The following PTPN13 variants were observed in gnomAD, a reference collection of about 807,000 sequenced individuals.
The protein encoded by PTPN13 is tyrosine-protein phosphatase non-receptor type 13.
Under a neutral mutation model 284.0 loss-of-function variants are expected in PTPN13, and 191 were observed. That is an observed-to-expected ratio of 0.67 (90% CI 0.60 to 0.76). The LOEUF (loss-of-function observed/expected upper bound fraction) is 0.76, where lower values mean the gene tolerates loss of function less well. PTPN13 is among the 30% of genes least tolerant of loss of function. The probability of loss-of-function intolerance (pLI) is 0.00; values close to 1 mark genes in which losing one functional copy is unlikely to be tolerated. For missense variants in PTPN13, 2,797 were observed against 2,939.9 expected (o/e 0.95, Z 1.12); for synonymous variants, 986 against 1,022.3 (o/e 0.96, Z 0.68).
intron 1 of PTPN13, among the ~76,000 whole-genome samples, chr4:86,600,783 A>T (rs947701636): frequency 1.3e-5 from 2 of 152,142 alleles, no homozygotes; most frequent in Admixed American, 1.3e-4. Flanking sequence ...AATTTTAAAA[A>T]TAAACATTTA....
chr4:86,631,601 CCTTT>C (rs1474552636), intron 1 of PTPN13, among the ~76,000 whole-genome samples: 1 of 152,006 alleles, frequency 6.6e-6, no homozygotes, highest in Non-Finnish European at 1.5e-5. Flanking sequence ...AACAAATGTT[CCTTT>C]CTATGTTTTG....
intron 1 of PTPN13, among the ~76,000 whole-genome samples, chr4:86,627,055 C>CT: frequency 6.6e-6 from 1 of 152,008 alleles, no homozygotes; most frequent in East Asian, 1.9e-4. Flanking sequence ...CTGTCACATG[C>CT]TATAACATGG....
intron 10 of PTPN13, among the ~76,000 whole-genome samples, chr4:86,725,787 T>C (rs1476850770): frequency 6.7e-6 from 1 of 149,604 alleles, no homozygotes; most frequent in Non-Finnish European, 1.5e-5. Flanking sequence ...ACGCTGATGG[T>C]AGTTTCTTTT....
rs909216439 is a variant in PTPN13 at position 86,764,721 on chromosome 4, C to T, written c.4146C>T (p.Val1382=). ...ATGATAACAGCTTGGGGATAAGTGT[C>T]ACGGTACTGTTTGACAAGGTTTTCA... is the stretch of plus-strand genomic sequence containing the variant. ...AKNDNSLGIS[V]TGGVNTSVRH... The change falls in exon 25 of 48, where the codon GTC becomes GTT. Residue 1382 remains valine (V), a synonymous_variant. Transcript: ENST00000411767. The T allele has an allele frequency of 1.9e-6, 3 of 1,603,316 alleles. No individual in the cohort carries two copies. The highest frequency in any genetic ancestry group is 2.5e-6 in the Non-Finnish European group (3 of 1,177,448).
intron 35 of PTPN13, 117 bp downstream of exon 35, chr4:86,775,769 C>T: frequency 1.2e-6 from 1 of 854,308 alleles, no homozygotes; most frequent in Non-Finnish European, 1.8e-6. Context: ...ACTAAATTGG[C>T]AGGACTTAAT....
intron 40 of PTPN13, among the ~76,000 whole-genome samples, chr4:86,795,500 A>G (rs1743232641): frequency 6.6e-6 from 1 of 152,204 alleles, no homozygotes; most frequent in Non-Finnish European, 1.5e-5. Flanking sequence ...AAGGATCTAG[A>G]ACTAGAAATA....
At chr4:86,765,901 C>T (rs1364298119) in intron 26 of PTPN13, among the ~76,000 whole-genome samples, 1 of 151,672 alleles carries the variant, frequency 6.6e-6, no homozygotes, top group Non-Finnish European at 1.5e-5. Context: ...GATCTCAGTT[C>T]ACTGCAACCT....
chr4:86,614,348 G>T (rs1397582192), intron 1 of PTPN13, among the ~76,000 whole-genome samples: 1 of 152,014 alleles, frequency 6.6e-6, no homozygotes, highest in African/African-American at 2.4e-5. Context: ...AATTTTATTT[G>T]CACACAAAAG....
intron 2 of PTPN13, among the ~76,000 whole-genome samples, chr4:86,664,932 A>G (rs1175708351): frequency 1.3e-5 from 2 of 151,666 alleles, no homozygotes; most frequent in Admixed American, 1.3e-4. Context: ...ACTTTTAATA[A>G]TAACCAATTT....
chr4:86,611,606 G>A (rs750088527), intron 1 of PTPN13, among the ~76,000 whole-genome samples: 3 of 152,212 alleles, frequency 2.0e-5, no homozygotes, highest in Non-Finnish European at 2.9e-5. Context: ...ACAGTGATCC[G>A]TGAGAGATGG....
intron 23 of PTPN13, among the ~76,000 whole-genome samples, chr4:86,761,143 T>C (rs1266720772): frequency 1.4e-5 from 2 of 138,200 alleles, no homozygotes; most frequent in South Asian, 2.3e-4. Context: ...TGTGTAAATA[T>C]ATATATATAT....
At chr4:86,766,929 T>C (rs1739393943) in intron 27 of PTPN13, among the ~76,000 whole-genome samples, 1 of 152,106 alleles carries the variant, frequency 6.6e-6, no homozygotes, top group Admixed American at 6.5e-5. Context: ...AGGTTTTTGT[T>C]GTTGTTTTGA....
intron 41 of PTPN13, among the ~76,000 whole-genome samples, chr4:86,797,710 T>C (rs1352204094): frequency 6.6e-6 from 1 of 151,750 alleles, no homozygotes; most frequent in Admixed American, 6.6e-5. Flanking sequence ...TTTTTCAGTT[T>C]CTCTATTTTT....
chr4:86,786,262 T>C (rs1741902903), intron 40 of PTPN13, among the ~76,000 whole-genome samples: 1 of 152,156 alleles, frequency 6.6e-6, no homozygotes, highest in South Asian at 2.1e-4. Context: ...CATGAAATAG[T>C]AGATAAATTA....
At chr4:86,652,007 A>G (rs1021653184) in intron 2 of PTPN13, among the ~76,000 whole-genome samples, 3 of 152,184 alleles carry the variant, frequency 2.0e-5, no homozygotes, top group Non-Finnish European at 4.4e-5. Flanking sequence ...AGCCGAGACT[A>G]GGAGTTTGAG....
chr4:86,616,902 A>C (rs1482267038), intron 1 of PTPN13, among the ~76,000 whole-genome samples: 1 of 152,204 alleles, frequency 6.6e-6, no homozygotes, highest in East Asian at 1.9e-4. Flanking sequence ...GCAAGGGCTT[A>C]ATTAAGAGTC....
chr4:86,738,422 A>T (rs1735773300), intron 15 of PTPN13, among the ~76,000 whole-genome samples: 1 of 152,154 alleles, frequency 6.6e-6, no homozygotes, highest in South Asian at 2.1e-4. Flanking sequence ...GAATAGTGGT[A>T]TATTATTATG....
At chr4:86,628,907 G>A (rs1722152411) in intron 1 of PTPN13, among the ~76,000 whole-genome samples, 1 of 150,530 alleles carries the variant, frequency 6.6e-6, no homozygotes, top group African/African-American at 2.4e-5. Context: ...TATCATTGTT[G>A]GACATTTGGG....
chr4:86,793,992 C>T (rs1279133167), intron 40 of PTPN13, among the ~76,000 whole-genome samples: 1 of 152,098 alleles, frequency 6.6e-6, no homozygotes, highest in Non-Finnish European at 1.5e-5. Context: ...CAAAAAATAA[C>T]TAAGATCAGA....
Sources: gnomAD v4.1 joint callset for allele counts (sites outside exome capture counted in the v4.1 genomes callset) on GRCh38, gnomAD v4.1.1 for gene constraint, MANE v1.5 for transcripts, NCBI Gene and HGNC (gene_info 2026-07-23, HGNC 2026-07-21) for gene names.